The following LRP1B variants were observed in gnomAD, a reference collection of about 807,000 sequenced individuals.
LRP1B encodes LDL receptor related protein 1B.
A neutral mutation model predicts 556.6 loss-of-function variants in LRP1B; 217 were observed. The ratio of observed to expected loss-of-function variants is 0.39; its 90% confidence interval spans 0.35 to 0.44. LRP1B has a LOEUF of 0.44. LRP1B is among the 20% of genes least tolerant of loss of function. The pLI is 1.00. For synonymous variants in LRP1B, 2,047 were observed against 1,865.8 expected, an observed-to-expected ratio of 1.10 and a Z score of -2.50; for missense variants, 5,053 against 5,620.8, an observed-to-expected ratio of 0.90 and a Z score of 3.23.
intron 18 of LRP1B, among the ~76,000 whole-genome samples, chr2:140,957,915 A>AG (rs1476390136): frequency 6.6e-6 from 1 of 151,550 alleles, no homozygotes; most frequent in African/African-American, 2.4e-5. Context: ...AGACTGTGAG[A>AG]GGGGAAAAAA....
chr2:140,839,277 A>C (rs548385123), intron 31 of LRP1B, among the ~76,000 whole-genome samples: 30 of 152,320 alleles, frequency 2.0e-4, no homozygotes, highest in African/African-American at 7.0e-4. Context: ...TATTCAGATA[A>C]AGAATGTTTC....
At chr2:141,359,599 T>C (rs886597140) in intron 3 of LRP1B, among the ~76,000 whole-genome samples, 4 of 151,450 alleles carry the variant, frequency 2.6e-5, no homozygotes, top group African/African-American at 9.7e-5. Flanking sequence ...TTACTAAAAA[T>C]ACAAAAATTA....
chr2:140,418,802 A>G (rs1324867939), intron 66 of LRP1B, among the ~76,000 whole-genome samples: 1 of 152,092 alleles, frequency 6.6e-6, no homozygotes, highest in Non-Finnish European at 1.5e-5. Flanking sequence ...GAAAAATGTA[A>G]TGTGGCTTGA....
intron 37 of LRP1B, among the ~76,000 whole-genome samples, chr2:140,711,763 A>G (rs1490158322): frequency 2.0e-5 from 3 of 152,156 alleles, no homozygotes; most frequent in Non-Finnish European, 4.4e-5. Context: ...AGAAATACAG[A>G]CTAGCAGCTG....
At chr2:141,351,332 T>C (rs16845863) in intron 3 of LRP1B, among the ~76,000 whole-genome samples, 4,430 of 152,154 alleles carry the variant, frequency 0.029, 229 homozygotes, top group African/African-American at 0.1. Flanking sequence ...TATTATTGTA[T>C]GAAACTACTC....
In LRP1B at chr2:141,058,869, G is replaced by T; in HGVS notation, c.1408+14C>A. On this transcript the variant is annotated intron_variant, in intron 9 of 90. Transcript: ENST00000389484. ...CTACCATTAGGAAGGTAATAAAGAA[G>T]CTTTCCCACTTACCTGTTGGTTGAG... 6.4e-7 allele frequency: 1 copy of T among 1,570,322 alleles called. No homozygotes were observed. The highest frequency in any genetic ancestry group is 1.2e-5 in the South Asian group (1 of 82,814).
Position 140,373,049 on chromosome 2 carries a change from T to C in LRP1B, c.10727A>G (p.Glu3576Gly), listed in dbSNP as rs2105171349. The change falls in exon 69 of 91, where the codon GAA becomes GGA. Residue 3576 changes from glutamate to glycine, a missense_variant. Glu to Gly is a moderately conservative substitution (Grantham distance 98). Around this residue, in one of 5 missense-constraint regions of LRP1B, gnomAD observed 599 missense variants for 648.4 expected, o/e 0.92. Coordinates refer to ENST00000389484, the MANE Select transcript of LRP1B (RefSeq NM_018557.3). ...IPAKWKCDGHEDCKYGEDEKS... is the reference protein window; with the variant it reads ...IPAKWKCDGHGDCKYGEDEKS... Reference sequence around the variant, plus strand: ...CTCATCTTCCCCATATTTGCAGTCTTCATGGCCATCACATTTCCATTTTGC... The same window carrying C: ...CTCATCTTCCCCATATTTGCAGTCTCCATGGCCATCACATTTCCATTTTGC... 6.2e-7 allele frequency: 1 copy of C among 1,613,604 alleles called. No individual in the cohort carries two copies. Among genetic ancestry groups the C allele is most frequent in the Middle Eastern group, 1.7e-4 (1 of 6,056 alleles).
At chr2:141,957,583 T>A (rs1231366057) in intron 1 of LRP1B, among the ~76,000 whole-genome samples, 1 of 151,934 alleles carries the variant, frequency 6.6e-6, no homozygotes, top group African/African-American at 2.4e-5. Context: ...GACAGACACA[T>A]TTTGTGCTCT....
intron 6 of LRP1B, among the ~76,000 whole-genome samples, chr2:141,213,554 C>G (rs1682657460): frequency 6.6e-6 from 1 of 152,112 alleles, no homozygotes; most frequent in South Asian, 2.1e-4. Flanking sequence ...CTGAAGAAAA[C>G]CCACACAGAC....
intron 85 of LRP1B, 31 bp downstream of exon 85, chr2:140,274,393 C>T: frequency 1.3e-6 from 2 of 1,597,964 alleles, no homozygotes; most frequent in East Asian, 2.2e-5. Context: ...TGTCCAAATG[C>T]TTTTATAAAT....
chr2:141,472,321 G>A (rs1004329218), intron 3 of LRP1B, among the ~76,000 whole-genome samples: 3 of 152,142 alleles, frequency 2.0e-5, no homozygotes. Flanking sequence ...CAAGGCGGGT[G>A]GATCACCTGA....
intron 2 of LRP1B, among the ~76,000 whole-genome samples, chr2:141,511,515 A>T (rs1186998431): frequency 6.6e-6 from 1 of 152,192 alleles, no homozygotes; most frequent in Non-Finnish European, 1.5e-5. Context: ...ATATCTGTCA[A>T]GATAGTTTCA....
intron 10 of LRP1B, among the ~76,000 whole-genome samples, chr2:141,054,432 C>T (rs1699122816): frequency 6.6e-6 from 1 of 151,876 alleles, no homozygotes; most frequent in Non-Finnish European, 1.5e-5. Flanking sequence ...CAGGAAAAGA[C>T]CTTAACTAAT....
intron 32 of LRP1B, among the ~76,000 whole-genome samples, chr2:140,784,169 T>C (rs1471724748): frequency 6.6e-6 from 1 of 152,088 alleles, no homozygotes; most frequent in South Asian, 2.1e-4. Flanking sequence ...AACATAAGAC[T>C]TTTTCAAATC....
At chr2:140,408,248 G>A (rs1188997285) in intron 66 of LRP1B, among the ~76,000 whole-genome samples, 2 of 151,804 alleles carry the variant, frequency 1.3e-5, no homozygotes, top group African/African-American at 2.4e-5. Context: ...TGGGTGATGA[G>A]TGCACTAAAA....
At chr2:140,951,700 C>T (rs891049488) in intron 19 of LRP1B, among the ~76,000 whole-genome samples, 160 bp downstream of exon 19, 7 of 152,154 alleles carry the variant, frequency 4.6e-5, no homozygotes, top group Non-Finnish European at 8.8e-5. Context: ...AATGCTAATT[C>T]CCACTGATGT....
intron 35 of LRP1B, among the ~76,000 whole-genome samples, chr2:140,765,740 G>A (rs1005193500): frequency 2.6e-5 from 4 of 152,052 alleles, no homozygotes; most frequent in African/African-American, 9.7e-5. Context: ...GAAAGATTCA[G>A]ATCTGTTAAT....
intron 1 of LRP1B, among the ~76,000 whole-genome samples, chr2:142,128,774 A>G (rs1473217504): frequency 6.6e-6 from 1 of 152,214 alleles, no homozygotes; most frequent in African/African-American, 2.4e-5. Flanking sequence ...ATCGTTTACC[A>G]TGTGCTCTGC....
intron 1 of LRP1B, among the ~76,000 whole-genome samples, chr2:142,069,690 G>A (rs992102378): frequency 4.6e-5 from 7 of 151,762 alleles, no homozygotes; most frequent in Admixed American, 2.6e-4. Flanking sequence ...ATTTGTACAT[G>A]CGAAAAGGTT....
Sources: allele counts gnomAD v4.1 joint callset (sites outside exome capture counted in the v4.1 genomes callset), GRCh38; gene constraint gnomAD v4.1.1; regional missense constraint gnomAD v4.1.1; transcripts MANE v1.5; gene names NCBI Gene and HGNC (gene_info 2026-07-23, HGNC 2026-07-21).